FAF1: variants seen among roughly 807,000 people sequenced by gnomAD.
The protein encoded by FAF1 is Fas associated factor 1, also known as FAS-associated factor 1.
FAF1 carries 25 observed loss-of-function variants against 92.5 expected under a neutral mutation model. The observed-to-expected ratio is 0.27, with a 90% CI of 0.20 to 0.38. FAF1 has a LOEUF of 0.38. FAF1 is among the 10% of genes least tolerant of loss of function. The pLI is 1.00. For missense variants in FAF1, 636 were observed against 793.3 expected, an observed-to-expected ratio of 0.80 and a Z score of 2.38; for synonymous variants, 234 against 273.2, an observed-to-expected ratio of 0.86 and a Z score of 1.42.
At chr1:50,806,164 TAAC>T (rs1245340595) in intron 2 of FAF1, among the ~76,000 whole-genome samples, 2 of 152,012 alleles carry the variant, frequency 1.3e-5, no homozygotes, top group East Asian at 1.9e-4. Context: ...TCTGGAGACT[TAAC>T]AAGACAAGTC....
At chr1:50,642,071 C>T (rs372374634) in intron 8 of FAF1, among the ~76,000 whole-genome samples, 1 of 151,876 alleles carries the variant, frequency 6.6e-6, no homozygotes, top group Non-Finnish European at 1.5e-5. Context: ...GGCATGGTGG[C>T]GGGTGCCCGT....
chr1:50,746,122 T>G (rs1659575354), intron 4 of FAF1, among the ~76,000 whole-genome samples: 1 of 151,060 alleles, frequency 6.6e-6, no homozygotes, highest in Non-Finnish European at 1.5e-5. Flanking sequence ...ACTTTGAAGT[T>G]GAGAATGATG....
At chr1:50,794,646 A>G (rs547615566) in intron 3 of FAF1, among the ~76,000 whole-genome samples, 27 of 152,332 alleles carry the variant, frequency 1.8e-4, no homozygotes, top group Non-Finnish European at 3.4e-4. Flanking sequence ...GTTTGGAGAC[A>G]GAGTTTCACT....
At chr1:50,819,692 C>CGTATATATATACATATATATATACGT (rs1436857058) in intron 2 of FAF1, among the ~76,000 whole-genome samples, 6 of 45,616 alleles carry the variant, frequency 1.3e-4, no homozygotes, top group Non-Finnish European at 1.8e-4. Flanking sequence ...TATATATATA[C>CGTATATATATACATATATATATACGT]ATATATATAT....
intron 15 of FAF1, among the ~76,000 whole-genome samples, chr1:50,508,841 T>C (rs1040023081): frequency 8.5e-5 from 13 of 152,172 alleles, no homozygotes; most frequent in Admixed American, 1.3e-4. Context: ...GCAGGGATTA[T>C]AGGCATGAGC....
intron 1 of FAF1, among the ~76,000 whole-genome samples, chr1:50,910,838 G>C (rs996559401): frequency 6.6e-6 from 1 of 152,010 alleles, no homozygotes; most frequent in African/African-American, 2.4e-5. Flanking sequence ...CCCGGGTGAG[G>C]CAATGCCCCG....
chr1:50,780,675 T>C (rs1553138784), intron 4 of FAF1: 3 of 269,432 alleles, frequency 1.1e-5, no homozygotes, highest in Non-Finnish European at 1.5e-5. Flanking sequence ...CAGAGAGGAC[T>C]ATGATGAGCA....
At chr1:50,823,212 C>T (rs375126492) in intron 2 of FAF1, among the ~76,000 whole-genome samples, 10 of 152,296 alleles carry the variant, frequency 6.6e-5, no homozygotes, top group East Asian at 3.9e-4. Flanking sequence ...AAACACTCTT[C>T]CTTGTTAACA....
chr1:50,752,695 G>GT (rs1659916369), intron 4 of FAF1, among the ~76,000 whole-genome samples: 2 of 151,672 alleles, frequency 1.3e-5, no homozygotes, highest in South Asian at 2.1e-4. Flanking sequence ...GTTTTGTTTT[G>GT]TTTTTTTGAG....
chr1:50,816,130 T>G lies in FAF1; in HGVS notation c.115-14453A>C, dbSNP rs182413838. 2.0e-5 allele frequency among the ~76,000 whole-genome samples: 3 copies of G among 151,974 alleles called. No individual in the cohort carries two copies. The East Asian group carries it at 5.8e-4, about 29-fold the overall frequency. On this transcript the variant is annotated intron_variant, in intron 2 of 18. Transcript: ENST00000396153. ...CTGAATATTAGTGATTTTTTTTTCA[T>G]GTTGTTGGCCATTATACGTCTTATT...
At chr1:50,811,256 T>G (rs1643906663) in intron 2 of FAF1, among the ~76,000 whole-genome samples, 1 of 152,144 alleles carries the variant, frequency 6.6e-6, no homozygotes, top group Non-Finnish European at 1.5e-5. Context: ...GGAAGATCAC[T>G]TGGGCCCAGG....
At chr1:50,536,384 A>G (rs1648484518) in intron 14 of FAF1, among the ~76,000 whole-genome samples, 2 of 152,188 alleles carry the variant, frequency 1.3e-5, no homozygotes, top group Non-Finnish European at 2.9e-5. Context: ...AGGCAGAAAG[A>G]GTTAGGTTTT....
chr1:50,841,488 G>T (rs867393476), intron 2 of FAF1, among the ~76,000 whole-genome samples: 9 of 152,016 alleles, frequency 5.9e-5, no homozygotes, highest in African/African-American at 1.7e-4. Context: ...TAATATCCAT[G>T]TATATTCATG....
At chr1:50,775,758 G>GA (rs1011491088) in intron 4 of FAF1, among the ~76,000 whole-genome samples, 4 of 148,946 alleles carry the variant, frequency 2.7e-5, no homozygotes, top group Middle Eastern at 3.4e-3. Context: ...AAAGGGGGAC[G>GA]AAAAAAAAAG....
intron 7 of FAF1, among the ~76,000 whole-genome samples, chr1:50,664,117 C>G (rs1399459736): frequency 6.6e-6 from 1 of 150,924 alleles, no homozygotes; most frequent in Non-Finnish European, 1.5e-5. Flanking sequence ...CCTGCCTCAG[C>G]CTCCCGAGAA....
At chr1:50,781,393 A>G (rs1344006704) in intron 4 of FAF1, among the ~76,000 whole-genome samples, 10 of 152,248 alleles carry the variant, frequency 6.6e-5, no homozygotes, top group Non-Finnish European at 1.5e-5. Flanking sequence ...TTTAAGTAAA[A>G]AACTGTCACA....
chr1:50,687,300 A>G (rs1394229461), intron 7 of FAF1, among the ~76,000 whole-genome samples: 1 of 151,468 alleles, frequency 6.6e-6, no homozygotes, highest in Non-Finnish European at 1.5e-5. Flanking sequence ...GTGGTTTTCA[A>G]TATATTCACA....
At chr1:50,832,864 G>A (rs576919374) in intron 2 of FAF1, among the ~76,000 whole-genome samples, 9 of 151,954 alleles carry the variant, frequency 5.9e-5, no homozygotes, top group African/African-American at 2.2e-4. Context: ...AGCTAAGGCA[G>A]AAATAAAAAA....
At chr1:50,487,977 G>C (rs1224364369) in intron 17 of FAF1, among the ~76,000 whole-genome samples, 2 of 152,136 alleles carry the variant, frequency 1.3e-5, no homozygotes, top group African/African-American at 4.8e-5. Flanking sequence ...AGTGGTTTGT[G>C]ATACACTAGG....
Sources: gnomAD v4.1 joint callset for allele counts (sites outside exome capture counted in the v4.1 genomes callset) on GRCh38, gnomAD v4.1.1 for gene constraint, MANE v1.5 for transcripts, NCBI Gene and HGNC (gene_info 2026-07-23, HGNC 2026-07-21) for gene names.